The following SOX5 variants were observed in gnomAD, a reference collection of about 807,000 sequenced individuals.
SOX5 encodes the protein SRY-box transcription factor 5, also known as transcription factor SOX-5.
In SOX5, 9 loss-of-function variants were observed where a neutral mutation model predicts 92.0. The observed-to-expected ratio is 0.10, with a 90% CI of 0.06 to 0.17. The LOEUF is 0.17. SOX5 is among the 10% of genes least tolerant of loss of function. SOX5 has a pLI of 1.00. For missense variants in SOX5, 642 were observed against 944.5 expected (o/e 0.68, Z 4.20); for synonymous variants, 344 against 336.3 (o/e 1.02, Z -0.25).
intron 4 of SOX5, among the ~76,000 whole-genome samples, chr12:23,997,547 ACAT>A (rs1951152300): frequency 6.6e-6 from 1 of 152,210 alleles, no homozygotes; most frequent in Admixed American, 6.5e-5. Flanking sequence ...AAGGCTGTAA[ACAT>A]CAGCATAAGA....
chr12:23,856,142 T>G (rs542894741), intron 2 of SOX5, among the ~76,000 whole-genome samples: 1 of 152,220 alleles, frequency 6.6e-6, no homozygotes, highest in East Asian at 1.9e-4. Flanking sequence ...AAAGCAGAAT[T>G]TCCTGAACCC....
chr12:23,903,192 A>G (rs2097254838), intron 1 of SOX5, among the ~76,000 whole-genome samples: 1 of 152,200 alleles, frequency 6.6e-6, no homozygotes, highest in South Asian at 2.1e-4. Context: ...TTTTAAAAAT[A>G]TGAGTGCTAC....
intron 4 of SOX5, among the ~76,000 whole-genome samples, chr12:23,964,909 G>A (rs1410566663): frequency 6.6e-6 from 1 of 152,218 alleles, no homozygotes; most frequent in Non-Finnish European, 1.5e-5. Flanking sequence ...TGATGGGCTA[G>A]GCTTGCTTTA....
chr12:24,503,910 C>G (rs945730829), intron 1 of SOX5, among the ~76,000 whole-genome samples: 1 of 151,878 alleles, frequency 6.6e-6, no homozygotes, highest in South Asian at 2.1e-4. Flanking sequence ...CACCATGGCA[C>G]GTGTATACAT....
chr12:24,071,060 G>A (rs1346806157), intron 4 of SOX5, among the ~76,000 whole-genome samples: 4 of 152,166 alleles, frequency 2.6e-5, no homozygotes, highest in African/African-American at 9.7e-5. Context: ...TACAATAGAA[G>A]ACTGGCGTTT....
intron 4 of SOX5, among the ~76,000 whole-genome samples, chr12:24,210,495 C>G (rs1433340674): frequency 1.3e-5 from 2 of 152,214 alleles, no homozygotes; most frequent in Non-Finnish European, 2.9e-5. Context: ...CAAACATCTT[C>G]TCTTTCAAAT....
At chr12:24,019,438 A>G (rs1004233629) in intron 4 of SOX5, among the ~76,000 whole-genome samples, 1 of 152,224 alleles carries the variant, frequency 6.6e-6, no homozygotes, top group African/African-American at 2.4e-5. Context: ...ATAGAATTAT[A>G]AAGTTTTAAA....
chr12:24,249,535 C>G lies in SOX5; in HGVS notation c.-77+27681G>C, dbSNP rs570957477. Among the ~76,000 whole-genome samples, 3 of 152,312 alleles carry G rather than the reference C, an allele frequency of 2.0e-5. No homozygotes were observed. The South Asian group carries it at 6.2e-4, about 32-fold the overall frequency. The stretch of plus-strand genomic sequence containing the variant: ...GACAGCAGCCTGTAATTTTACTCAT[C>G]ATTACATATGGCCTATTGACAGTTG... On this transcript the variant is annotated intron_variant, in intron 3 of 4. Transcript: ENST00000446891.
intron 1 of SOX5, among the ~76,000 whole-genome samples, chr12:24,370,794 G>GATA (rs1050446313): frequency 6.6e-6 from 1 of 152,140 alleles, no homozygotes; most frequent in African/African-American, 2.4e-5. Flanking sequence ...TCTGTCAAAA[G>GATA]ACAACAACAA....
intron 4 of SOX5, among the ~76,000 whole-genome samples, chr12:24,049,650 T>G (rs1207729124): frequency 7.2e-6 from 1 of 139,008 alleles, no homozygotes; most frequent in African/African-American, 2.8e-5. Flanking sequence ...TTTTTTTTTT[T>G]TTTTTTTTTT....
intron 7 of SOX5, among the ~76,000 whole-genome samples, chr12:23,642,474 T>C (rs1248666991): frequency 6.6e-6 from 1 of 152,164 alleles, no homozygotes; most frequent in African/African-American, 2.4e-5. Flanking sequence ...AAATTATAGT[T>C]AGCTAGACAA....
intron 8 of SOX5, among the ~76,000 whole-genome samples, chr12:23,634,280 C>A (rs1462966241): frequency 1.3e-5 from 2 of 151,980 alleles, no homozygotes; most frequent in Non-Finnish European, 2.9e-5. Context: ...AAATAAGAAA[C>A]ATAATACATT....
In SOX5 at chr12:23,712,067, T is replaced by G. The variant is rs559375679; in HGVS notation, c.810+22617A>C. On this transcript the variant is annotated intron_variant, in intron 6 of 14. Transcript: ENST00000451604. ...CTGAGCAGCCATTTAAACTTTGTTTTGTCTGACTGGTGAGAATCGTGCTAT... is the reference window on the plus strand; with the variant it reads ...CTGAGCAGCCATTTAAACTTTGTTTGGTCTGACTGGTGAGAATCGTGCTAT... Among the ~76,000 whole-genome samples, 38 of 152,314 alleles carry G rather than the reference T, an allele frequency of 2.5e-4. No homozygotes were observed. The South Asian group carries it at 7.7e-3, about 31-fold the overall frequency.
At chr12:23,786,872 A>G (rs1189612316) in intron 3 of SOX5, among the ~76,000 whole-genome samples, 5 of 145,886 alleles carry the variant, frequency 3.4e-5, no homozygotes, top group Non-Finnish European at 3.0e-5. Flanking sequence ...AATATCTATT[A>G]ACATGTTTTT....
intron 9 of SOX5, among the ~76,000 whole-genome samples, chr12:23,602,508 G>A (rs1212583588): frequency 2.0e-5 from 3 of 152,178 alleles, no homozygotes; most frequent in East Asian, 3.9e-4. Flanking sequence ...AAGTAATCTG[G>A]TGAGAAGGTA....
At chr12:24,380,450 C>A (rs904194614) in intron 1 of SOX5, among the ~76,000 whole-genome samples, 1 of 152,200 alleles carries the variant, frequency 6.6e-6, no homozygotes, top group Non-Finnish European at 1.5e-5. Context: ...ACTTGCGCAA[C>A]ATATAATTTC....
At chr12:24,544,754 T>C (rs1342096105) in intron 1 of SOX5, among the ~76,000 whole-genome samples, 3 of 152,216 alleles carry the variant, frequency 2.0e-5, no homozygotes, top group Non-Finnish European at 4.4e-5. Context: ...ATTTAAATAG[T>C]AGCACATGTC....
chr12:23,804,217 T>C (rs2095715078), intron 3 of SOX5, among the ~76,000 whole-genome samples: 1 of 152,140 alleles, frequency 6.6e-6, no homozygotes, highest in Non-Finnish European at 1.5e-5. Flanking sequence ...ATACAAATTC[T>C]ATAAAGTAAC....
intron 13 of SOX5, among the ~76,000 whole-genome samples, chr12:23,538,799 CTTTTT>C (rs67268404): frequency 4.6e-5 from 5 of 108,140 alleles, no homozygotes; most frequent in Non-Finnish European, 3.8e-5. Context: ...CCAGCATTTT[CTTTTT>C]TTTTTTTTTT....
Sources: allele counts gnomAD v4.1 joint callset (sites outside exome capture counted in the v4.1 genomes callset), GRCh38; gene constraint gnomAD v4.1.1; transcripts MANE v1.5; gene names NCBI Gene and HGNC (gene_info 2026-07-23, HGNC 2026-07-21).